Variants in FGF14 observed in about 807,000 individuals in gnomAD.
FGF14 encodes fibroblast growth factor homologous factor 4.
Under a neutral mutation model 25.5 loss-of-function variants are expected in FGF14, and 5 were observed. The ratio of observed to expected loss-of-function variants is 0.20; its 90% CI spans 0.10 to 0.41. FGF14 has a LOEUF of 0.41. Ranked by LOEUF, FGF14 falls within the 10% of genes least tolerant of loss-of-function variation. The pLI is 1.00. For synonymous variants in FGF14, 138 were observed against 118.3 expected (o/e 1.17, Z -1.08); for missense variants, 222 against 320.1 (o/e 0.69, Z 2.34).
At chr13:102,284,551 T>G (rs1447582551) in intron 1 of FGF14, among the ~76,000 whole-genome samples, 1 of 152,160 alleles carries the variant, frequency 6.6e-6, no homozygotes, top group African/African-American at 2.4e-5. Context: ...TTGGTCTAGA[T>G]GCTCTCTAGA....
In FGF14 at chr13:102,342,390, T is replaced by G. The variant is rs1221805757; in HGVS notation, c.208+59081A>C. ...TCATTTTTAATTTGCCATGAAATCC[T>G]ACATAAGTTACTTAAGATTCTGGGC... On this transcript the variant is annotated intron_variant, in intron 1 of 4. Transcript: ENST00000376131. Among the ~76,000 whole-genome samples, 5 of 152,236 alleles carry G rather than the reference T, an allele frequency of 3.3e-5. 1 individual carries two copies. In the East Asian group the frequency reaches 9.7e-4, roughly 29 times the overall value.
Position 101,722,530 on chromosome 13 carries a change from C to T in FGF14, c.*301G>A. On this transcript the variant is annotated 3_prime_UTR_variant, in exon 5 of 5. Coordinates refer to ENST00000376143, the MANE Select transcript of FGF14 (RefSeq NM_004115.4). ...GTCAGCAGGCAAGGTATCGAGTGTACTTGTGAAGTATGTCATTCACATGAA... is the reference window on the plus strand; with the variant it reads ...GTCAGCAGGCAAGGTATCGAGTGTATTTGTGAAGTATGTCATTCACATGAA... The T allele has an allele frequency of 2.3e-6, 1 of 433,476 alleles. No homozygotes were observed. The highest frequency in any genetic ancestry group is 2.1e-5 in the South Asian group (1 of 46,994). The allele number at this position is 433,476 out of a possible 1,614,324, so 26.9% of individuals were successfully genotyped here.
chr13:101,935,648 A>G (rs2035052515), intron 1 of FGF14, among the ~76,000 whole-genome samples: 1 of 152,172 alleles, frequency 6.6e-6, no homozygotes, highest in African/African-American at 2.4e-5. Context: ...AGGCCTCCCC[A>G]GCCATGCGGA....
At chr13:101,882,798 G>T (rs543078983) in intron 1 of FGF14, among the ~76,000 whole-genome samples, 2 of 152,266 alleles carry the variant, frequency 1.3e-5, no homozygotes, top group African/African-American at 2.4e-5. Context: ...AGTTGGAAAT[G>T]ATAGTGATAA....
chr13:101,820,341 A>G (rs993123561), intron 3 of FGF14, among the ~76,000 whole-genome samples: 2 of 152,208 alleles, frequency 1.3e-5, no homozygotes, highest in African/African-American at 4.8e-5. Context: ...TAATTTTAAT[A>G]ATTTTGCAAT....
chr13:102,352,491 A>G (rs1251820845), intron 1 of FGF14, among the ~76,000 whole-genome samples: 2 of 152,164 alleles, frequency 1.3e-5, no homozygotes, highest in Non-Finnish European at 2.9e-5. Context: ...GCCATCAGCA[A>G]TTACATAAAC....
At chr13:102,032,364 G>T (rs2041252397) in intron 1 of FGF14, among the ~76,000 whole-genome samples, 2 of 151,976 alleles carry the variant, frequency 1.3e-5, no homozygotes. Flanking sequence ...AGACAAAGTG[G>T]GCAACAAGAG....
intron 3 of FGF14, among the ~76,000 whole-genome samples, chr13:101,827,746 A>G (rs556506254): frequency 6.6e-6 from 1 of 152,030 alleles, no homozygotes; most frequent in African/African-American, 2.4e-5. Context: ...TTACATTAAT[A>G]ATTACTGCTA....
intron 1 of FGF14, among the ~76,000 whole-genome samples, chr13:101,960,591 A>G (rs1423010416): frequency 6.6e-6 from 1 of 152,152 alleles, no homozygotes; most frequent in Non-Finnish European, 1.5e-5. Context: ...CTAGTCCATC[A>G]CTGATGGGCA....
chr13:102,370,429 A>T (rs2057844375), intron 1 of FGF14, among the ~76,000 whole-genome samples: 1 of 152,146 alleles, frequency 6.6e-6, no homozygotes, highest in Admixed American at 6.5e-5. Flanking sequence ...ATGTTTTGAT[A>T]CAAATATTTT....
chr13:101,883,806 TA>T (rs572845291), intron 1 of FGF14, among the ~76,000 whole-genome samples: 95 of 152,096 alleles, frequency 6.2e-4, no homozygotes, highest in African/African-American at 2.2e-3. Context: ...CTCACACCTG[TA>T]ATCCCAGCAC....
chr13:101,838,383 T>C (rs1319958997), intron 3 of FGF14, among the ~76,000 whole-genome samples: 1 of 152,012 alleles, frequency 6.6e-6, no homozygotes, highest in Non-Finnish European at 1.5e-5. Context: ...TCCCAGCCAC[T>C]CTTTGGGATG....
intron 1 of FGF14, among the ~76,000 whole-genome samples, chr13:102,303,853 C>T (rs1221763977): frequency 1.3e-5 from 2 of 152,128 alleles, no homozygotes; most frequent in African/African-American, 4.8e-5. Flanking sequence ...TCAAACTGCA[C>T]ACAGTAGGTA....
intron 1 of FGF14, among the ~76,000 whole-genome samples, chr13:102,052,332 TA>T (rs1190264330): frequency 6.6e-6 from 1 of 151,928 alleles, no homozygotes; most frequent in Non-Finnish European, 1.5e-5. Flanking sequence ...AAGTTTATTT[TA>T]AAAAAATAGC....
chr13:102,252,117 T>C (rs1050409349), intron 1 of FGF14, among the ~76,000 whole-genome samples: 4 of 152,206 alleles, frequency 2.6e-5, no homozygotes, highest in Non-Finnish European at 2.9e-5. Context: ...AAAGGCATTA[T>C]GCACATTTTG....
intron 1 of FGF14, among the ~76,000 whole-genome samples, chr13:101,934,856 A>C (rs1351641073): frequency 1.3e-5 from 2 of 152,204 alleles, no homozygotes; most frequent in Non-Finnish European, 2.9e-5. Context: ...CCACTGTTAC[A>C]AAGGAAACTC....
chr13:102,024,223 C>T (rs1425173416), intron 1 of FGF14, among the ~76,000 whole-genome samples: 1 of 152,000 alleles, frequency 6.6e-6, no homozygotes, highest in Non-Finnish European at 1.5e-5. Flanking sequence ...AGTGTCTGTA[C>T]CATTTTACAA....
intron 1 of FGF14, among the ~76,000 whole-genome samples, chr13:102,258,594 A>G (rs1221081941): frequency 6.6e-6 from 1 of 152,058 alleles, no homozygotes; most frequent in Non-Finnish European, 1.5e-5. Context: ...GGAGCCCATG[A>G]GAAGAATATG....
chr13:102,160,918 C>T (rs373862312), intron 1 of FGF14, among the ~76,000 whole-genome samples: 9 of 152,250 alleles, frequency 5.9e-5, no homozygotes, highest in Non-Finnish European at 8.8e-5. Flanking sequence ...TACAACTCAA[C>T]GGAAGAACTC....
Sources: gnomAD v4.1 joint callset for allele counts (sites outside exome capture counted in the v4.1 genomes callset) on GRCh38, gnomAD v4.1.1 for gene constraint, MANE v1.5 for transcripts, NCBI Gene and HGNC (gene_info 2026-07-23, HGNC 2026-07-21) for gene names.